The following ANKFN1 variants were observed in gnomAD, a reference collection of about 807,000 sequenced individuals.
The protein encoded by ANKFN1 is ankyrin repeat and fibronectin type III domain containing 1.
Under a neutral mutation model 108.7 loss-of-function variants are expected in ANKFN1, and 74 were observed. That is an observed-to-expected ratio of 0.68 (90% CI 0.56 to 0.83). ANKFN1 has a LOEUF of 0.83. Among genes scored for constraint, ANKFN1 ranks in the 40% least tolerant of loss-of-function variants. The pLI is 0.00. For synonymous variants in ANKFN1, 547 were observed against 516.2 expected, an observed-to-expected ratio of 1.06 and a Z score of -0.81; for missense variants, 1,505 against 1,382.3, an observed-to-expected ratio of 1.09 and a Z score of -1.41.
intron 4 of ANKFN1, among the ~76,000 whole-genome samples, chr17:56,093,710 G>A (rs1183439218): frequency 6.6e-6 from 1 of 151,254 alleles, no homozygotes; most frequent in Admixed American, 6.6e-5. Flanking sequence ...GTGAAGTTCC[G>A]TATTTATTGT....
At chr17:56,206,894 T>C (rs976600278) in intron 1 of ANKFN1, 1 of 152,174 alleles carries the variant, frequency 6.6e-6, no homozygotes, top group Non-Finnish European at 1.5e-5. Context: ...TTCTATGCTA[T>C]ACATTTTAAT....
chr17:56,355,067 T>G (rs1339801504), intron 6 of ANKFN1, among the ~76,000 whole-genome samples: 1 of 152,162 alleles, frequency 6.6e-6, no homozygotes, highest in Non-Finnish European at 1.5e-5. Context: ...CAGTTAGGTA[T>G]TGTATATTAC....
At chr17:56,089,833 G>T (rs1338009665) in intron 4 of ANKFN1, among the ~76,000 whole-genome samples, 1 of 151,256 alleles carries the variant, frequency 6.6e-6, no homozygotes, top group Non-Finnish European at 1.5e-5. Flanking sequence ...TCCAGCAGCA[G>T]CTCCCTGAGC....
At chr17:56,174,905 A>C (rs532653040) in intron 1 of ANKFN1, among the ~76,000 whole-genome samples, 6 of 152,316 alleles carry the variant, frequency 3.9e-5, no homozygotes, top group Non-Finnish European at 8.8e-5. Context: ...AAATGAGTCT[A>C]AAAGATACAT....
intron 3 of ANKFN1, among the ~76,000 whole-genome samples, chr17:56,295,587 A>G (rs527897383): frequency 6.6e-6 from 1 of 152,216 alleles, no homozygotes; most frequent in Non-Finnish European, 1.5e-5. Context: ...GGGTTCCACC[A>G]TGATATTAAA....
intron 1 of ANKFN1, chr17:56,184,716 A>G (rs1182194653): frequency 3.3e-5 from 5 of 152,220 alleles, no homozygotes; most frequent in Non-Finnish European, 5.9e-5. Flanking sequence ...TTAAATATAA[A>G]TCATCATTCT....
intron 1 of ANKFN1, among the ~76,000 whole-genome samples, chr17:56,172,101 C>A (rs1302639140): frequency 6.6e-6 from 1 of 152,152 alleles, no homozygotes; most frequent in Non-Finnish European, 1.5e-5. Context: ...ATTTTATACT[C>A]TCTGCTTTTC....
intron 19 of ANKFN1, among the ~76,000 whole-genome samples, chr17:56,495,992 T>C (rs2051189747): frequency 6.6e-6 from 1 of 152,168 alleles, no homozygotes; most frequent in Non-Finnish European, 1.5e-5. Context: ...TCATGGTCTT[T>C]CTTTTTTAAA....
At chr17:56,481,834 T>C (rs1178360398) in intron 17 of ANKFN1, among the ~76,000 whole-genome samples, 1 of 152,222 alleles carries the variant, frequency 6.6e-6, no homozygotes, top group Non-Finnish European at 1.5e-5. Flanking sequence ...CTAGATACTA[T>C]TAAAGCGTTT....
chr17:56,199,782 A>G (rs1598223330), intron 1 of ANKFN1, among the ~76,000 whole-genome samples: 1 of 152,152 alleles, frequency 6.6e-6, no homozygotes, highest in East Asian at 1.9e-4. Context: ...AATGTGTCCC[A>G]TGCAATCTTT....
intron 2 of ANKFN1, among the ~76,000 whole-genome samples, chr17:56,213,937 C>T (rs371684910): frequency 2.2e-4 from 34 of 152,280 alleles, no homozygotes; most frequent in African/African-American, 7.7e-4. Flanking sequence ...TATATCCACA[C>T]ATCCCAAATG....
chr17:56,085,729 C>T (rs4793804), intron 4 of ANKFN1, among the ~76,000 whole-genome samples: 57,682 of 150,860 alleles, frequency 0.38, 13,105 homozygotes, highest in Middle Eastern at 0.56. Context: ...CAACTCAAAG[C>T]TCCCTGCTGA....
intron 6 of ANKFN1, among the ~76,000 whole-genome samples, chr17:56,371,862 G>A (rs2046820084): frequency 6.6e-6 from 1 of 152,194 alleles, no homozygotes; most frequent in African/African-American, 2.4e-5. Flanking sequence ...ATCAAATGAA[G>A]ACTATCACAT....
At chr17:56,286,864 T>G (rs935493121) in intron 3 of ANKFN1, among the ~76,000 whole-genome samples, 2 of 152,120 alleles carry the variant, frequency 1.3e-5, no homozygotes, top group African/African-American at 4.8e-5. Context: ...TATACATATA[T>G]GTGTATATAT....
upstream of ANKFN1, among the ~76,000 whole-genome samples, chr17:56,151,808 C>G (rs1462152615): frequency 6.6e-6 from 1 of 152,162 alleles, no homozygotes; most frequent in Non-Finnish European, 1.5e-5. Flanking sequence ...CTTCATCTTA[C>G]ATAGATTTTA....
At chr17:56,331,975 G>A (rs2045675672) in intron 4 of ANKFN1, among the ~76,000 whole-genome samples, 1 of 152,048 alleles carries the variant, frequency 6.6e-6, no homozygotes, top group African/African-American at 2.4e-5. Context: ...TGGCTTCCAG[G>A]TAGCCCTCAG....
intron 1 of ANKFN1, among the ~76,000 whole-genome samples, chr17:56,187,769 C>A (rs1369382676): frequency 3.9e-5 from 6 of 152,128 alleles, no homozygotes; most frequent in African/African-American, 1.4e-4. Context: ...AGGATGAGTT[C>A]ATGTCCTTTA....
chr17:56,353,784 A>T, intron 5 of ANKFN1, 52 bp from the exon 6 acceptor site: 2 of 1,550,146 alleles, frequency 1.3e-6, no homozygotes, highest in Non-Finnish European at 8.9e-7. Flanking sequence ...GCTAAGCTAC[A>T]AAGACACACT....
intron 4 of ANKFN1, among the ~76,000 whole-genome samples, chr17:56,079,018 C>T (rs1266611659): frequency 1.3e-5 from 2 of 152,188 alleles, no homozygotes; most frequent in African/African-American, 4.8e-5. Context: ...GGGCAGAAGA[C>T]TCCATCCAAG....
Sources: gnomAD v4.1 joint callset for allele counts (sites outside exome capture counted in the v4.1 genomes callset) on GRCh38, gnomAD v4.1.1 for gene constraint, MANE v1.5 for transcripts, NCBI Gene and HGNC (gene_info 2026-07-23, HGNC 2026-07-21) for gene names.